The following METAP2 variants were observed in gnomAD, a reference collection of about 807,000 sequenced individuals.
METAP2 encodes methionine aminopeptidase 2.
METAP2 carries 25 observed loss-of-function variants against 59.4 expected under a neutral mutation model. That is an observed-to-expected ratio of 0.42 (90% confidence interval 0.31 to 0.59). METAP2 has a LOEUF of 0.59. Ranked by LOEUF, METAP2 falls within the 20% of genes least tolerant of loss-of-function variation. METAP2 has a pLI of 0.16. For missense variants in METAP2, 366 were observed against 581.2 expected, an observed-to-expected ratio of 0.63 and a Z score of 3.81; for synonymous variants, 214 against 194.1, an observed-to-expected ratio of 1.10 and a Z score of -0.85.
rs146718454 is a variant in METAP2, at chr12:95,494,098, A to G, written c.471A>G (p.Ala157=). The G allele has an allele frequency of 1.9e-6, 3 of 1,614,060 alleles. No individual in the cohort carries two copies. The highest frequency in any genetic ancestry group is 2.5e-6 in the Non-Finnish European group (3 of 1,179,960). ...AWRTTSEEKK[A]LDQASEEIWN... The stretch of plus-strand genomic sequence containing the variant: ...GAACTACAAGTGAAGAAAAGAAAGC[A>G]TTAGATCAGGCAAGTGAAGAGATTT... The change falls in exon 5 of 11, where the codon GCA becomes GCG. Residue 157 remains alanine (A), a synonymous_variant. Transcript: ENST00000323666.
chr12:95,506,709 C>T (rs1490301727), intron 8 of METAP2, among the ~76,000 whole-genome samples: 2 of 152,150 alleles, frequency 1.3e-5, no homozygotes, highest in Admixed American at 1.3e-4. Flanking sequence ...CTTCTCTCAT[C>T]TATATCTTTA....
chr12:95,491,574 A>C (rs1192327366), intron 4 of METAP2, among the ~76,000 whole-genome samples: 1 of 145,190 alleles, frequency 6.9e-6, no homozygotes, highest in Non-Finnish European at 1.5e-5. Flanking sequence ...GCAGTGGTGC[A>C]GTCTTGGCTC....
chr12:95,496,453 C>G (rs1387075889), intron 7 of METAP2, among the ~76,000 whole-genome samples: 2 of 151,852 alleles, frequency 1.3e-5, no homozygotes, highest in Non-Finnish European at 2.9e-5. Context: ...TTCCCTTATA[C>G]CCACCCCTCC....
At chr12:95,487,163 A>G (rs1473448866) in intron 4 of METAP2, among the ~76,000 whole-genome samples, 1 of 152,228 alleles carries the variant, frequency 6.6e-6, no homozygotes, top group Non-Finnish European at 1.5e-5. Context: ...TATTCAAAGT[A>G]ATAACCTGTC....
chr12:95,497,825 AT>A (rs1349716289), intron 7 of METAP2, among the ~76,000 whole-genome samples: 1 of 151,778 alleles, frequency 6.6e-6, no homozygotes, highest in Non-Finnish European at 1.5e-5. Flanking sequence ...TTATTTATTT[AT>A]TTTTTAATTA....
intron 1 of METAP2, among the ~76,000 whole-genome samples, chr12:95,474,801 C>T (rs2140134334): frequency 6.6e-6 from 1 of 152,262 alleles, no homozygotes; most frequent in South Asian, 2.1e-4. Flanking sequence ...CACACCTCCT[C>T]CCACTATCCC....
intron 6 of METAP2, 78 bp downstream of exon 6, chr12:95,495,216 A>T: frequency 6.5e-6 from 8 of 1,227,070 alleles, no homozygotes; most frequent in Non-Finnish European, 9.1e-6. Context: ...GGAGTGATAA[A>T]TACTGAACTC....
chr12:95,484,803 AT>A (rs111254343), intron 3 of METAP2: 122 of 432,256 alleles, frequency 2.8e-4, no homozygotes, highest in Admixed American at 7.2e-4. Flanking sequence ...TGTGCAAATA[AT>A]TTTTTTTTAA....
At chr12:95,508,088 ATATTC>A (rs1444170409) in intron 8 of METAP2, among the ~76,000 whole-genome samples, 1 of 151,892 alleles carries the variant, frequency 6.6e-6, no homozygotes, top group Non-Finnish European at 1.5e-5. Context: ...GCCGATTCAC[ATATTC>A]TACTTTTGGC....
intron 3 of METAP2, among the ~76,000 whole-genome samples, chr12:95,484,248 C>G (rs571023778): frequency 2.0e-5 from 3 of 151,984 alleles, no homozygotes; most frequent in Admixed American, 1.3e-4. Context: ...GGTGGAATAG[C>G]CTTCTTTGCA....
Position 95,510,456 on chromosome 12 carries a change from T to TGA in METAP2, c.965-1429_965-1428dup, listed in dbSNP as rs762980673. ...TTAGGCAGAAGGGCAATGAGAAGTT[T>TGA]GAGAGAGAGAGCAAGAAATGGTCAA... On this transcript the variant is annotated intron_variant, in intron 8 of 10. Transcript: ENST00000323666. 6.6e-5 allele frequency among the ~76,000 whole-genome samples: 10 copies of TGA among 152,218 alleles called. No homozygotes were observed. In the East Asian group the frequency reaches 1.7e-3, roughly 26 times the overall value.
rs1326621138 is a variant in METAP2 at position 95,489,922 on chromosome 12, A to G, written c.428+3941A>G. Among the ~76,000 whole-genome samples the G allele has an allele frequency of 2.6e-5, 4 of 152,188 alleles. No homozygotes were observed. The East Asian group carries it at 5.8e-4, about 22-fold the overall frequency. ...CAAGCATAGTACAAAGAATTCCCAC[A>G]TACCTTTCACCTAGATTTCCTTTGT... On this transcript the variant is annotated intron_variant, in intron 4 of 10. Coordinates refer to ENST00000323666, the MANE Select transcript of METAP2 (RefSeq NM_006838.4).
chr12:95,478,153 T>G (rs2076134468), intron 2 of METAP2, among the ~76,000 whole-genome samples: 1 of 152,030 alleles, frequency 6.6e-6, no homozygotes, highest in Non-Finnish European at 1.5e-5. Flanking sequence ...GTGCTAATCT[T>G]GAAGTGTTAT....
At chr12:95,476,202 T>G (rs1368055977) in intron 2 of METAP2, 24 bp downstream of exon 2, 2 of 1,506,864 alleles carry the variant, frequency 1.3e-6, no homozygotes, top group South Asian at 2.4e-5. Context: ...TTGATCTTTG[T>G]GGTTAGAAAA....
At chr12:95,508,451 A>G (rs987735748) in intron 8 of METAP2, among the ~76,000 whole-genome samples, 5 of 152,234 alleles carry the variant, frequency 3.3e-5, no homozygotes, top group African/African-American at 1.2e-4. Flanking sequence ...ATGGGACTAG[A>G]ACATGGGCCT....
At chr12:95,486,047 T>G in intron 4 of METAP2, 66 bp downstream of exon 4, 1 of 1,165,588 alleles carries the variant, frequency 8.6e-7, no homozygotes, top group Non-Finnish European at 1.2e-6. Flanking sequence ...AAAGCAGATT[T>G]GACATTTCTC....
intron 4 of METAP2, among the ~76,000 whole-genome samples, chr12:95,487,705 CTGTT>C (rs1483817926): frequency 6.6e-6 from 1 of 150,818 alleles, no homozygotes. Context: ...ATACATCTGT[CTGTT>C]TATGTAAGGG....
At chr12:95,491,537 G>A (rs774786359) in intron 4 of METAP2, among the ~76,000 whole-genome samples, 2 of 152,108 alleles carry the variant, frequency 1.3e-5, no homozygotes, top group African/African-American at 2.4e-5. Flanking sequence ...TTGAGACAGG[G>A]CCTCATTCTG....
chr12:95,474,859 A>G (rs1041735060), intron 1 of METAP2, among the ~76,000 whole-genome samples: 2 of 152,046 alleles, frequency 1.3e-5, no homozygotes, highest in African/African-American at 4.8e-5. Flanking sequence ...GTGTGTGTAC[A>G]TGTGTGTTTG....
Sources: allele counts gnomAD v4.1 joint callset (sites outside exome capture counted in the v4.1 genomes callset), GRCh38; gene constraint gnomAD v4.1.1; transcripts MANE v1.5; gene names NCBI Gene and HGNC (gene_info 2026-07-23, HGNC 2026-07-21).